TAFA2: variants seen among roughly 807,000 people sequenced by gnomAD.
TAFA2 encodes TAFA chemokine like family member 2.
Under a neutral mutation model 18.8 loss-of-function variants are expected in TAFA2, and 7 were observed. That is an observed-to-expected ratio of 0.37 (90% CI 0.21 to 0.70). TAFA2 has a LOEUF of 0.70. TAFA2 is among the 30% of genes least tolerant of loss of function. The pLI is 0.53. For synonymous variants in TAFA2, 60 were observed against 54.2 expected, an observed-to-expected ratio of 1.11 and a Z score of -0.47; for missense variants, 122 against 158.1, an observed-to-expected ratio of 0.77 and a Z score of 1.23.
intron 1 of TAFA2, among the ~76,000 whole-genome samples, chr12:61,989,626 A>G (rs1188644034): frequency 6.6e-6 from 1 of 152,198 alleles, no homozygotes; most frequent in Admixed American, 6.5e-5. Context: ...TAGAAGGTGC[A>G]CATGAGAAGC....
intron 1 of TAFA2, among the ~76,000 whole-genome samples, chr12:62,150,349 G>A (rs2062319212): frequency 6.6e-6 from 1 of 152,054 alleles, no homozygotes; most frequent in Non-Finnish European, 1.5e-5. Flanking sequence ...TTAGATACAA[G>A]TAAATAAAAT....
chr12:61,879,764 A>G (rs540180162), intron 1 of TAFA2: 6 of 1,385,052 alleles, frequency 4.3e-6, no homozygotes, highest in Admixed American at 1.7e-5. Context: ...CAACAACCTT[A>G]GGTGGCAGCT....
chr12:62,235,381 C>G, intron 1 of TAFA2: 1 of 643,170 alleles, frequency 1.6e-6, no homozygotes, highest in Non-Finnish European at 2.8e-6. Context: ...GTGTGCACTC[C>G]GGAGCTTCCA....
intron 2 of TAFA2, among the ~76,000 whole-genome samples, chr12:61,856,885 T>C (rs550947120): frequency 6.6e-6 from 1 of 151,744 alleles, no homozygotes; most frequent in East Asian, 2.0e-4. Flanking sequence ...CTTAATAATA[T>C]GGTATGGTTA....
chr12:61,938,429 G>A (rs543603189), intron 1 of TAFA2, among the ~76,000 whole-genome samples: 2 of 152,098 alleles, frequency 1.3e-5, no homozygotes, highest in African/African-American at 2.4e-5. Context: ...TGTCACCCAG[G>A]TACACAGAGA....
intron 2 of TAFA2, among the ~76,000 whole-genome samples, chr12:61,802,994 A>G (rs1871460929): frequency 6.6e-6 from 1 of 151,964 alleles, no homozygotes; most frequent in Admixed American, 6.6e-5. Context: ...TGCAAGCAAT[A>G]TAATTTAAAA....
intron 1 of TAFA2, among the ~76,000 whole-genome samples, chr12:61,905,755 C>A (rs1876322455): frequency 2.0e-5 from 3 of 152,132 alleles, no homozygotes; most frequent in Admixed American, 1.3e-4. Context: ...TGCAGAATTT[C>A]TTTTTCATAC....
At chr12:62,049,128 G>A (rs1228324225) in intron 1 of TAFA2, among the ~76,000 whole-genome samples, 1 of 152,144 alleles carries the variant, frequency 6.6e-6, no homozygotes, top group African/African-American at 2.4e-5. Context: ...AAGTCACAAA[G>A]GTAATATGTC....
intron 1 of TAFA2, among the ~76,000 whole-genome samples, chr12:61,884,845 A>G (rs1383966346): frequency 1.3e-5 from 2 of 152,308 alleles, no homozygotes; most frequent in East Asian, 3.9e-4. Flanking sequence ...CTAAAAGATA[A>G]TTAATATCTA....
intron 1 of TAFA2, chr12:61,880,693 C>T (rs1875088909): frequency 1.1e-5 from 4 of 359,266 alleles, no homozygotes; most frequent in Non-Finnish European, 2.2e-5. Context: ...CATACCAGCT[C>T]CACCAGGGCT....
At chr12:62,136,323 T>C (rs1350331032) in intron 1 of TAFA2, among the ~76,000 whole-genome samples, 1 of 152,152 alleles carries the variant, frequency 6.6e-6, no homozygotes, top group African/African-American at 2.4e-5. Flanking sequence ...ATGAGCTAAA[T>C]AGATATAAAT....
chr12:61,906,966 G>C (rs1327814334), intron 1 of TAFA2, among the ~76,000 whole-genome samples: 2 of 152,206 alleles, frequency 1.3e-5, no homozygotes, highest in Admixed American at 6.5e-5. Context: ...GAGCTGACTT[G>C]AGTGCCATTA....
At chr12:62,245,676 T>C in intron 1 of TAFA2, among the ~76,000 whole-genome samples, 1 of 147,628 alleles carries the variant, frequency 6.8e-6, no homozygotes, top group Middle Eastern at 3.6e-3. Flanking sequence ...AATATTTTTA[T>C]AAATATATAA....
intron 1 of TAFA2, among the ~76,000 whole-genome samples, chr12:62,037,634 A>G (rs1881645471): frequency 6.6e-6 from 1 of 152,192 alleles, no homozygotes; most frequent in African/African-American, 2.4e-5. Context: ...AACTCATCGG[A>G]GATAGGGGCA....
intron 1 of TAFA2, among the ~76,000 whole-genome samples, chr12:61,969,031 T>C (rs1312164174): frequency 6.6e-6 from 1 of 151,732 alleles, no homozygotes; most frequent in Non-Finnish European, 1.5e-5. Flanking sequence ...GTATATGAAA[T>C]GCAAAATAAA....
rs545616306 is a variant in TAFA2, at chr12:61,847,763, C to T, written c.106+19557G>A. On this transcript the variant is annotated intron_variant, in intron 2 of 4. Coordinates refer to ENST00000416284, the MANE Select transcript of TAFA2 (RefSeq NM_178539.5). ...GTGTTTCATAACAGTGTTAGAGCTGCGTGTCTTTGTCAGGAAAAAAAGACC... is the reference window on the plus strand; with the variant it reads ...GTGTTTCATAACAGTGTTAGAGCTGTGTGTCTTTGTCAGGAAAAAAAGACC... 4.6e-5 allele frequency among the ~76,000 whole-genome samples: 7 copies of T among 152,242 alleles called. No individual in the cohort carries two copies. The South Asian group carries it at 1.0e-3, about 23-fold the overall frequency.
At chr12:61,795,233 T>C (rs2120941190) in intron 2 of TAFA2, among the ~76,000 whole-genome samples, 1 of 152,314 alleles carries the variant, frequency 6.6e-6, no homozygotes, top group East Asian at 1.9e-4. Context: ...TTACTGGGTA[T>C]ATACCCAAAG....
chr12:62,020,402 G>A (rs1565718519), intron 1 of TAFA2, among the ~76,000 whole-genome samples: 15 of 152,004 alleles, frequency 9.9e-5, no homozygotes. Context: ...TGAATATCAG[G>A]GGACAAATAA....
chr12:62,133,510 TAGAG>T (rs1431247948), intron 1 of TAFA2, among the ~76,000 whole-genome samples: 2 of 151,452 alleles, frequency 1.3e-5, no homozygotes, highest in African/African-American at 4.9e-5. Context: ...GAAAAAAAAA[TAGAG>T]AGGGAGATTT....
Sources: allele counts gnomAD v4.1 joint callset (sites outside exome capture counted in the v4.1 genomes callset), GRCh38; gene constraint gnomAD v4.1.1; transcripts MANE v1.5; gene names NCBI Gene and HGNC (gene_info 2026-07-23, HGNC 2026-07-21).